MAPK10: variants seen among roughly 807,000 people sequenced by gnomAD.
MAPK10 encodes the protein JNK3 alpha protein kinase.
MAPK10 carries 25 observed loss-of-function variants against 59.3 expected under a neutral mutation model. The ratio of observed to expected loss-of-function variants is 0.42; its 90% confidence interval spans 0.31 to 0.59. MAPK10 has a LOEUF of 0.59. Among genes scored for constraint, MAPK10 ranks in the 20% least tolerant of loss-of-function variants. The pLI is 0.15. For missense variants in MAPK10, 351 were observed against 568.9 expected, an observed-to-expected ratio of 0.62 and a Z score of 3.90; for synonymous variants, 190 against 200.5, an observed-to-expected ratio of 0.95 and a Z score of 0.44.
At chr4:86,403,677 C>T (rs532556868) in intron 1 of MAPK10, among the ~76,000 whole-genome samples, 6 of 152,190 alleles carry the variant, frequency 3.9e-5, no homozygotes, top group East Asian at 3.9e-4. Flanking sequence ...TCTTCACAGG[C>T]GGCAGGAGAG....
intron 2 of MAPK10, among the ~76,000 whole-genome samples, chr4:86,254,640 A>T (rs1220148114): frequency 1.4e-5 from 2 of 141,334 alleles, no homozygotes; most frequent in South Asian, 4.5e-4. Context: ...GCTGAAAAAA[A>T]TGTATATTCT....
At chr4:86,039,337 A>G (rs576348956) in intron 11 of MAPK10, among the ~76,000 whole-genome samples, 1 of 152,302 alleles carries the variant, frequency 6.6e-6, no homozygotes, top group Non-Finnish European at 1.5e-5. Context: ...ACCAGACAGC[A>G]CAGCATGGAG....
At chr4:86,479,989 C>T (rs1046922552) in intron 1 of MAPK10, among the ~76,000 whole-genome samples, 9 of 152,054 alleles carry the variant, frequency 5.9e-5, no homozygotes, top group Non-Finnish European at 1.2e-4. Flanking sequence ...CCATACCACC[C>T]CCAAAAATTT....
At chr4:86,114,944 C>T (rs773786169) in intron 4 of MAPK10, among the ~76,000 whole-genome samples, 1 of 152,372 alleles carries the variant, frequency 6.6e-6, no homozygotes, top group Non-Finnish European at 1.5e-5. Context: ...GCAGTCTGGC[C>T]ACGATCTGCC....
intron 3 of MAPK10, among the ~76,000 whole-genome samples, chr4:86,181,880 G>T (rs2077009057): frequency 6.6e-6 from 1 of 151,974 alleles, no homozygotes; most frequent in African/African-American, 2.4e-5. Flanking sequence ...TATATCTCCT[G>T]GTTAAAATCC....
chr4:86,479,422 T>G (rs1286433193), intron 1 of MAPK10, among the ~76,000 whole-genome samples: 1 of 151,078 alleles, frequency 6.6e-6, no homozygotes, highest in Non-Finnish European at 1.5e-5. Flanking sequence ...TCCTTTTTAT[T>G]AGGCCCCAGT....
rs1294321200 is a variant in MAPK10 at position 86,064,143 on chromosome 4, G to A, written c.1110+123C>T. On this transcript the variant is annotated intron_variant, in intron 11 of 13. Coordinates refer to ENST00000641462, the MANE Select transcript of MAPK10 (RefSeq NM_138982.4). ...TAGCTTTTAGAGGGGCAGATAATAG[G>A]CTTTGGACTTAGAAATTTTATAAAA... 24 of 1,220,324 alleles carry A rather than the reference G, an allele frequency of 2.0e-5. No individual in the cohort carries two copies. The Admixed American group carries it at 2.3e-4, about 11-fold the overall frequency. 75.6% of individuals were successfully genotyped at this position (1,220,324 alleles called of 1,614,324 possible). A position where few individuals can be genotyped will look rare whatever the true frequency, so the allele number is the denominator to read the frequency against.
At chr4:86,336,794 T>TA (rs1268018744) in intron 2 of MAPK10, among the ~76,000 whole-genome samples, 17 of 140,518 alleles carry the variant, frequency 1.2e-4, no homozygotes, top group Admixed American at 2.1e-4. Flanking sequence ...CTTTTTTTTT[T>TA]TTTTTTTTTT....
intron 4 of MAPK10, among the ~76,000 whole-genome samples, chr4:86,135,728 CA>C (rs1263492645): frequency 2.7e-5 from 4 of 150,340 alleles, no homozygotes; most frequent in African/African-American, 7.5e-5. Context: ...TTCAGACGAT[CA>C]AATTACTGAG....
intron 1 of MAPK10, among the ~76,000 whole-genome samples, chr4:86,508,371 G>T (rs1199421762): frequency 6.6e-6 from 1 of 152,038 alleles, no homozygotes; most frequent in Non-Finnish European, 1.5e-5. Flanking sequence ...GATCTGATTT[G>T]GTTATAAGGC....
At chr4:86,098,321 C>G (rs2054617148) in intron 9 of MAPK10, 1 of 530,438 alleles carries the variant, frequency 1.9e-6, no homozygotes, top group African/African-American at 2.0e-5. Context: ...AGAAAAAAGC[C>G]CATTGAAATT....
At position 86,292,689 on chromosome 4, in the gene MAPK10, G is replaced by A. The variant is rs1192582371; in HGVS notation, c.-7+61841C>T. 3.3e-5 allele frequency among the ~76,000 whole-genome samples: 5 copies of A among 152,144 alleles called. No homozygotes were observed. The South Asian group carries it at 8.3e-4, about 25-fold the overall frequency. ...GCTATGATCGCACCACTGCCCTCCA[G>A]CCTGAAAAACAGAGGGAGACTCTGT... On this transcript the variant is annotated intron_variant, in intron 2 of 13. Transcript: ENST00000641462.
At chr4:86,529,339 C>A (rs1165785655) in intron 1 of MAPK10, among the ~76,000 whole-genome samples, 3 of 152,136 alleles carry the variant, frequency 2.0e-5, no homozygotes, top group Non-Finnish European at 2.9e-5. Context: ...ATATTCTCTG[C>A]ACCAACTCTC....
intron 1 of MAPK10, among the ~76,000 whole-genome samples, chr4:86,452,799 G>A (rs1380210447): frequency 1.3e-5 from 2 of 152,146 alleles, no homozygotes; most frequent in African/African-American, 2.4e-5. Context: ...ACAGAGCAGC[G>A]TGTGGAGGCT....
intron 2 of MAPK10, among the ~76,000 whole-genome samples, chr4:86,262,534 G>A (rs1022241214): frequency 3.3e-5 from 5 of 152,144 alleles, no homozygotes; most frequent in Admixed American, 6.5e-5. Flanking sequence ...GTTTCTGGTT[G>A]CCTTTTTAAC....
At chr4:86,361,603 A>T (rs1736972763), upstream of MAPK10, among the ~76,000 whole-genome samples, 1 of 152,204 alleles carries the variant, frequency 6.6e-6, no homozygotes, top group East Asian at 1.9e-4. Flanking sequence ...CATGGAAACA[A>T]CTTAAGTGTC....
In MAPK10 at chr4:86,479,471, C is replaced by CA. The variant is rs201641019; in HGVS notation, c.-263+114438dup. ...CTAGACCAACTTGGACTGCACCCCC[C>CA]ACCAAAAAAAAAAAAAAACTTGTCG... On this transcript the variant is annotated intron_variant, in intron 1 of 4. Coordinates refer to the MAPK10 transcript ENST00000502302. Among the ~76,000 whole-genome samples the CA allele has an allele frequency of 6.3e-3, 812 of 129,274 alleles. 21 individuals are homozygous for CA. The highest frequency in any genetic ancestry group is 0.058 in the East Asian group (262 of 4,546). The allele number at this position is 129,274 out of a possible 152,430, so 84.8% of individuals were successfully genotyped here. A position where few individuals can be genotyped will look rare whatever the true frequency, so the allele number is the denominator to read the frequency against.
intron 2 of MAPK10, among the ~76,000 whole-genome samples, chr4:86,274,914 T>C (rs1426322043): frequency 6.6e-6 from 1 of 151,958 alleles, no homozygotes; most frequent in African/African-American, 2.4e-5. Flanking sequence ...TAAGAAGGAA[T>C]TTGGCTTAGG....
At chr4:86,570,240 A>C (rs1237467004) in intron 1 of MAPK10, among the ~76,000 whole-genome samples, 3 of 152,210 alleles carry the variant, frequency 2.0e-5, no homozygotes, top group Non-Finnish European at 1.5e-5. Context: ...AGCAAACTAC[A>C]CTGCATGTTT....
Sources: allele counts gnomAD v4.1 joint callset (sites outside exome capture counted in the v4.1 genomes callset), GRCh38; gene constraint gnomAD v4.1.1; transcripts MANE v1.5; gene names NCBI Gene and HGNC (gene_info 2026-07-23, HGNC 2026-07-21).